The following TPP2 variants were observed in gnomAD, a reference collection of about 807,000 sequenced individuals.
TPP2 encodes the protein tripeptidyl peptidase 2.
A neutral mutation model predicts 155.9 loss-of-function variants in TPP2; 34 were observed. The ratio of observed to expected loss-of-function variants is 0.22; its 90% CI spans 0.17 to 0.29. The LOEUF is 0.29. Ranked by LOEUF, TPP2 falls within the 10% of genes least tolerant of loss-of-function variation. The pLI is 1.00. For missense variants in TPP2, 1,028 were observed against 1,522.3 expected (o/e 0.68, Z 5.40); for synonymous variants, 510 against 529.4 (o/e 0.96, Z 0.50).
chr13:102,657,258 C>T, intron 25 of TPP2, 51 bp downstream of exon 25: 1 of 1,456,174 alleles, frequency 6.9e-7, no homozygotes, highest in Non-Finnish European at 9.2e-7. Flanking sequence ...TCTATTTTCC[C>T]AACTATAACA....
chr13:102,643,561 G>A (rs1882907235), intron 17 of TPP2, among the ~76,000 whole-genome samples, 185 bp downstream of exon 17: 2 of 152,104 alleles, frequency 1.3e-5, no homozygotes, highest in Admixed American at 1.3e-4. Flanking sequence ...AAATCAAGTT[G>A]GAGGTAATTA....
intron 2 of TPP2, among the ~76,000 whole-genome samples, chr13:102,607,438 C>T (rs1229369212): frequency 6.6e-6 from 1 of 152,164 alleles, no homozygotes; most frequent in Non-Finnish European, 1.5e-5. Context: ...AGAGTTTGGC[C>T]TGTCTTCCCC....
At chr13:102,597,589 C>T (rs1431565898) in intron 1 of TPP2, among the ~76,000 whole-genome samples, 1 of 152,254 alleles carries the variant, frequency 6.6e-6, no homozygotes, top group African/African-American at 2.4e-5. Context: ...CTTCCCTCCA[C>T]GCCGCCTTCC....
At position 102,597,011 on chromosome 13, in the gene TPP2, C is replaced by T. The variant is rs375953634; in HGVS notation, c.-28C>T. The T allele has an allele frequency of 1.4e-5, 22 of 1,605,966 alleles. No individual in the cohort carries two copies. The highest frequency in any genetic ancestry group is 2.7e-5 in the African/African-American group (2 of 74,042). ...AGTCCGCGCGCAGCCTGGCAGTTTG[C>T]CGCTTCCTCGTCCTCCATCCTGCGT... On this transcript the variant is annotated 5_prime_UTR_variant, in exon 1 of 30. Transcript: ENST00000376052.
At chr13:102,602,520 A>G (rs191810106) in intron 1 of TPP2, among the ~76,000 whole-genome samples, 1 of 151,988 alleles carries the variant, frequency 6.6e-6, no homozygotes, top group Non-Finnish European at 1.5e-5. Context: ...GGCCTTTATG[A>G]CCCCTTCAGC....
intron 4 of TPP2, among the ~76,000 whole-genome samples, chr13:102,617,652 A>C (rs529492468): frequency 6.6e-6 from 1 of 152,322 alleles, no homozygotes; most frequent in South Asian, 2.1e-4. Context: ...ATTTGAATCC[A>C]TATTTCTTCC....
chr13:102,606,988 T>C (rs927221186), intron 2 of TPP2, among the ~76,000 whole-genome samples: 8 of 152,174 alleles, frequency 5.3e-5, no homozygotes, highest in African/African-American at 1.9e-4. Flanking sequence ...CCCCTCAGGA[T>C]AGGATTAGTA....
In TPP2 at chr13:102,678,974, C is replaced by T. The variant is rs1344385247; in HGVS notation, c.*658C>T. 2 of 152,320 alleles carry T rather than the reference C, an allele frequency of 1.3e-5. No individual in the cohort carries two copies. The highest frequency in any genetic ancestry group is 4.8e-5 in the African/African-American group (2 of 41,340). The allele number at this position is 152,320 out of a possible 1,614,324, so 9.4% of individuals were successfully genotyped here. On this transcript the variant is annotated 3_prime_UTR_variant, in exon 30 of 30. Coordinates refer to ENST00000376052, the MANE Select transcript of TPP2 (RefSeq NM_001330588.2). ...GAGGTTCAGAGCATCAGAATGAACT[C>T]TATGAATACATGTGTAAGTGCCAGA... is the stretch of plus-strand genomic sequence containing the variant.
In TPP2 at chr13:102,649,029, C is replaced by G. The variant is rs769864982; in HGVS notation, c.2751C>G (p.Thr917=). 32 of 1,613,722 alleles carry G rather than the reference C, an allele frequency of 2.0e-5. No homozygotes were observed. Among genetic ancestry groups the G allele is most frequent in the Non-Finnish European group, 2.7e-5 (32 of 1,179,930 alleles). ...TTGTTTCTCATAGATTGTCTAATAC[C>G]TTGAGCTTAGATATTCATGAAAATC... ...PFIVSHRLSN[T]LSLDIHENHS... is the part of the protein sequence containing the mutation. The change falls in exon 22 of 30, where the codon ACC becomes ACG. Residue 917 remains threonine, a synonymous_variant. Coordinates refer to ENST00000376052, the MANE Select transcript of TPP2 (RefSeq NM_001330588.2).
At chr13:102,618,603 A>C in intron 4 of TPP2, 119 bp from the exon 5 acceptor site, 1 of 1,338,176 alleles carries the variant, frequency 7.5e-7, no homozygotes, top group Non-Finnish European at 9.9e-7. Flanking sequence ...AAATTTTCTT[A>C]CATTTTTTCA....
At chr13:102,642,080 G>T (rs961498526) in intron 16 of TPP2, among the ~76,000 whole-genome samples, 3 of 152,188 alleles carry the variant, frequency 2.0e-5, no homozygotes, top group Non-Finnish European at 4.4e-5. Flanking sequence ...TGGTTACCTG[G>T]GGGCAGGTTT....
At position 102,649,095 on chromosome 13, in the gene TPP2, G is replaced by A. The variant is rs1174553986; in HGVS notation, c.2817G>A (p.Leu939=). 6.2e-7 allele frequency: 1 copy of A among 1,613,026 alleles called. No individual in the cohort carries two copies. The highest frequency in any genetic ancestry group is 1.7e-5 in the Admixed American group (1 of 59,822). ...TAGGGAAGAAGAAATCAAGCAATTT[G>A]ACATTACCACCCAAATATAACCAGC... ...ALLGKKKSSN[L]TLPPKYNQPF... is the part of the protein sequence containing the mutation. The change falls in exon 22 of 30, where the codon TTG becomes TTA. Residue 939 remains leucine (L), a synonymous_variant. Coordinates refer to ENST00000376052, the MANE Select transcript of TPP2 (RefSeq NM_001330588.2).
At chr13:102,609,125 G>C (rs1880069711) in intron 2 of TPP2, among the ~76,000 whole-genome samples, 1 of 152,164 alleles carries the variant, frequency 6.6e-6, no homozygotes, top group Admixed American at 6.6e-5. Flanking sequence ...CATGCAAGGG[G>C]CCTGGAGTGA....
chr13:102,671,346 G>A (rs1245545051), intron 27 of TPP2, among the ~76,000 whole-genome samples: 2 of 152,144 alleles, frequency 1.3e-5, no homozygotes, highest in Non-Finnish European at 2.9e-5. Flanking sequence ...TCCAAGGGCT[G>A]TTTGACAGTT....
At position 102,674,975 on chromosome 13, in the gene TPP2, C is replaced by T. The variant is rs1397578248; in HGVS notation, c.3579+485C>T. Reference sequence around the variant, plus strand: ...TTTAAAACCCAATTCATAAAAGCATCGTTGATGAACTTTTTTGGATTTTGG... The same window carrying T: ...TTTAAAACCCAATTCATAAAAGCATTGTTGATGAACTTTTTTGGATTTTGG... On this transcript the variant is annotated intron_variant, in intron 28 of 29. Transcript: ENST00000376052. Among the ~76,000 whole-genome samples, 7 of 152,216 alleles carry T rather than the reference C, an allele frequency of 4.6e-5. No individual in the cohort carries two copies. In the South Asian group the frequency reaches 1.2e-3, roughly 27 times the overall value.
intron 6 of TPP2, among the ~76,000 whole-genome samples, chr13:102,623,753 G>A (rs573447165): frequency 1.2e-4 from 19 of 152,190 alleles, no homozygotes; most frequent in Non-Finnish European, 2.1e-4. Flanking sequence ...AAACAACTGT[G>A]TGTTATTCTT....
chr13:102,638,013 G>T (rs1045279971), intron 14 of TPP2, among the ~76,000 whole-genome samples: 1 of 152,146 alleles, frequency 6.6e-6, no homozygotes, highest in African/African-American at 2.4e-5. Context: ...CACTTATTTT[G>T]TACCTGACGT....
intron 2 of TPP2, chr13:102,608,112 A>G (rs577389295): frequency 6.6e-6 from 1 of 152,416 alleles, no homozygotes; most frequent in Non-Finnish European, 1.5e-5. Flanking sequence ...TTTAAACTTA[A>G]TTTTTAATTG....
In TPP2 at chr13:102,676,941, G is replaced by A. The variant is rs1004154296; in HGVS notation, c.3699+526G>A. On this transcript the variant is annotated intron_variant, in intron 29 of 29. Transcript: ENST00000376052. ...ACAGAAGTTACTTTAGTCTGACCTC[G>A]TCTTTGAACATGCTTAATTGGTTTA... Among the ~76,000 whole-genome samples the A allele has an allele frequency of 2.0e-5, 3 of 152,104 alleles. No individual in the cohort carries two copies. The East Asian group carries it at 5.8e-4, about 29-fold the overall frequency.
Sources: gnomAD v4.1 joint callset for allele counts (sites outside exome capture counted in the v4.1 genomes callset) on GRCh38, gnomAD v4.1.1 for gene constraint, MANE v1.5 for transcripts, NCBI Gene and HGNC (gene_info 2026-07-23, HGNC 2026-07-21) for gene names.